Variants in HEXD observed in about 807,000 individuals in gnomAD.
HEXD encodes the protein N-acetyl-beta-galactosaminidase.
In HEXD, 47 loss-of-function variants were observed where a neutral mutation model predicts 54.2. That is an observed-to-expected ratio of 0.87 (90% CI 0.69 to 1.11). The LOEUF (loss-of-function observed/expected upper bound fraction) is 1.11, where lower values mean the gene tolerates loss of function less well. Among genes scored for constraint, HEXD ranks in the 50% least tolerant of loss-of-function variants. The pLI, the probability that HEXD is intolerant of heterozygous loss-of-function variation, is 0.00. For synonymous variants in HEXD, 293 were observed against 287.6 expected, an observed-to-expected ratio of 1.02 and a Z score of -0.19; for missense variants, 576 against 649.2, an observed-to-expected ratio of 0.89 and a Z score of 1.23.
chr17:82,439,677 C>A lies in HEXD; in HGVS notation c.946C>A (p.Pro316Thr). Residue 316 changes from proline to threonine, a missense_variant, in exon 9 of 13, where the codon CCG becomes ACG. Physicochemically the swap from Pro to Thr is conservative, Grantham distance 38. Transcript: ENST00000327949. ...VLCELLPAGV[P>T]SLAACLQLLL... ...GTGCGAGCTGCTGCCCGCAGGAGTC[C>A]CGTCCCTGGCCGCCTGCCTGCAGTT... 1 of 1,598,476 alleles carries A rather than the reference C, an allele frequency of 6.3e-7. No individual in the cohort carries two copies.
intron 4 of HEXD, among the ~76,000 whole-genome samples, chr17:82,429,673 G>A (rs534238721): frequency 6.6e-6 from 1 of 152,152 alleles, no homozygotes; most frequent in South Asian, 2.1e-4. Flanking sequence ...ATCCCCAGCC[G>A]CTCTCCTGAG....
chr17:82,425,818 A>C (rs1268076499), intron 3 of HEXD: 2 of 151,750 alleles, frequency 1.3e-5, no homozygotes, highest in Non-Finnish European at 2.9e-5. Context: ...AAATACAAAA[A>C]TTAGGCCGGG....
rs896759539 is a variant in HEXD, at chr17:82,432,825, A to G, written c.283-833A>G. 7.2e-5 allele frequency among the ~76,000 whole-genome samples: 11 copies of G among 151,738 alleles called. No individual in the cohort carries two copies. The South Asian group carries it at 8.3e-4, about 11-fold the overall frequency. On this transcript the variant is annotated intron_variant, in intron 4 of 12. Transcript: ENST00000327949. ...ACGCCTGTAATCCCAGCACTTTGGG[A>G]GGCCAAGGCGGGCAGATCACAAGGT...
In HEXD at chr17:82,441,273, G is replaced by C. The variant is rs772359285; in HGVS notation, c.1163+7G>C. On this transcript the variant is annotated splice_region_variant and intron_variant, in intron 11 of 12. Transcript: ENST00000327949. The stretch of plus-strand genomic sequence containing the variant: ...CGCTGCTGGAGGGCAACAGGTGAGC[G>C]TGTGGGTTAGGGGCAGGTGTGGGTG... 5.6e-6 allele frequency: 9 copies of C among 1,609,466 alleles called. No homozygotes were observed. The highest frequency in any genetic ancestry group is 7.6e-6 in the Non-Finnish European group (9 of 1,178,694).
chr17:82,421,241 G>A lies in HEXD; in HGVS notation c.84+1358G>A, dbSNP rs190402996. On this transcript the variant is annotated intron_variant, in intron 2 of 12. Coordinates refer to ENST00000327949, the MANE Select transcript of HEXD (RefSeq NM_001330542.2). ...AATACGTAATGAAACATCCAGGAGG[G>A]TGCAGGGGAGGCCCAAGGCTGCAAA... Among the ~76,000 whole-genome samples, 9 of 152,040 alleles carry A rather than the reference G, an allele frequency of 5.9e-5. No homozygotes were observed. In the East Asian group the frequency reaches 1.7e-3, roughly 29 times the overall value.
chr17:82,436,888 TGCCTCGGGACG>T (rs2143587077), intron 7 of HEXD, 150 bp downstream of exon 7: 2 of 711,062 alleles, frequency 2.8e-6, no homozygotes, highest in East Asian at 5.6e-5. Flanking sequence ...CAGCCCATGG[TGCCTCGGGACG>T]GCCACCGTGC....
At chr17:82,420,202 ATTTGGAAATAGGATC>A in intron 2 of HEXD, 1 of 195,336 alleles carries the variant, frequency 5.1e-6, no homozygotes, top group Non-Finnish European at 1.0e-5. Flanking sequence ...ATGAGACCTT[ATTTGGAAATAGGATC>A]TTTGCAGATG....
Position 82,441,337 on chromosome 17 carries a change from G to A in HEXD, c.1163+71G>A, listed in dbSNP as rs1202885562. On this transcript the variant is annotated intron_variant, in intron 11 of 12. Transcript: ENST00000327949. ...TGGGGCGGGTGCAGGTGAGGGGGCA[G>A]GTGTGGGTGGGAGGCAGGTGCGGGT... 1.4e-5 allele frequency: 20 copies of A among 1,422,076 alleles called. No individual in the cohort carries two copies. The East Asian group carries it at 4.6e-4, about 33-fold the overall frequency. The allele number at this position is 1,422,076 out of a possible 1,614,324, so 88.1% of individuals were successfully genotyped here.
chr17:82,442,102 G>A lies in HEXD; in HGVS notation c.1254-75G>A. 5.9e-6 allele frequency: 9 copies of A among 1,522,180 alleles called. No homozygotes were observed. Among genetic ancestry groups the A allele is most frequent in the Non-Finnish European group, 8.0e-6 (9 of 1,123,722 alleles). 94.3% of individuals were successfully genotyped at this position (1,522,180 alleles called of 1,614,324 possible). Reference sequence around the variant, plus strand: ...CATTTCACAGGTGAACTGAGGCACAGGGCAGTACTGACCATGGGGCTGAGG... The same window carrying A: ...CATTTCACAGGTGAACTGAGGCACAAGGCAGTACTGACCATGGGGCTGAGG... On this transcript the variant is annotated intron_variant, in intron 12 of 12. Coordinates refer to ENST00000327949, the MANE Select transcript of HEXD (RefSeq NM_001330542.2). The surrounding 1 kb of genome is among the most constrained non-coding windows in gnomAD (Gnocchi z 6.8).
At position 82,441,225 on chromosome 17, in the gene HEXD, C is replaced by T; in HGVS notation, c.1122C>T (p.Leu374=). Residue 374 remains leucine, a synonymous_variant, in exon 11 of 13, where the codon CTC becomes CTT. Coordinates refer to ENST00000327949, the MANE Select transcript of HEXD (RefSeq NM_001330542.2). ...TTGCCCTTGTCACACAAGTCAGCCT[C>T]CATCTGCGCAGCTCTGTGGATGCGC... ...NILALVTQVS[L]HLRSSVDALL... is the part of the protein sequence containing the mutation. 6.2e-7 allele frequency: 1 copy of T among 1,613,046 alleles called. No homozygotes were observed. The highest frequency in any genetic ancestry group is 2.2e-5 in the East Asian group (1 of 44,880).
Position 82,424,461 on chromosome 17 carries a change from A to G in HEXD, c.152A>G (p.Tyr51Cys), listed in dbSNP as rs1415875461. The change falls in exon 3 of 13, where the codon TAC becomes TGC. Residue 51 changes from tyrosine (Y) to cysteine (C), a missense_variant. By Grantham distance (194) the Tyr-to-Cys change is radical. Coordinates refer to ENST00000327949, the MANE Select transcript of HEXD (RefSeq NM_001330542.2). ...LLIEYEDMFPYEGPLRLLRAK... is the reference protein window; with the variant it reads ...LLIEYEDMFPCEGPLRLLRAK... ...ATTGAGTATGAAGACATGTTTCCCT[A>G]CGAGGGCCCTCTGAGGCTGCTGAGG... 6.2e-7 allele frequency: 1 copy of G among 1,613,864 alleles called. No individual in the cohort carries two copies. The highest frequency in any genetic ancestry group is 8.5e-7 in the Non-Finnish European group (1 of 1,179,860).
In HEXD at chr17:82,439,630, G is replaced by C. The variant is rs202172124; in HGVS notation, c.900-1G>C. The C allele has an allele frequency of 1.3e-4, 209 of 1,548,186 alleles. No homozygotes were observed. Among genetic ancestry groups the C allele is most frequent in the Non-Finnish European group, 1.6e-4 (185 of 1,145,476 alleles). ...GCTAAGCGCCCCTCTCATGGACCCA[G>C]GTACGACCACTACTCTGTGCTGTGC... On this transcript the variant is annotated splice_acceptor_variant, in intron 8 of 12. Transcript: ENST00000327949. LOFTEE classifies it high-confidence loss of function.
intron 9 of HEXD, 97 bp from the exon 10 acceptor site, chr17:82,440,900 C>A: frequency 7.2e-7 from 1 of 1,391,546 alleles, no homozygotes; most frequent in Non-Finnish European, 1.0e-6. Flanking sequence ...CATTGCCGCC[C>A]GCCCACTGCC....
At chr17:82,421,106 G>T (rs1329382737) in intron 2 of HEXD, among the ~76,000 whole-genome samples, 2 of 152,136 alleles carry the variant, frequency 1.3e-5, no homozygotes, top group Admixed American at 1.3e-4. Flanking sequence ...GTAAGTAAAG[G>T]TCTCCCATAG....
chr17:82,419,979 C>A, intron 2 of HEXD, 96 bp downstream of exon 2: 1 of 626,104 alleles, frequency 1.6e-6, no homozygotes, highest in Non-Finnish European at 2.7e-6. Flanking sequence ...GTACCTAGAA[C>A]ACAACCACAA....
At chr17:82,419,235 C>T (rs913999422) in intron 1 of HEXD, among the ~76,000 whole-genome samples, 1 of 152,236 alleles carries the variant, frequency 6.6e-6, no homozygotes, top group African/African-American at 2.4e-5. Context: ...AAATTATCAG[C>T]TTACCTTAAA....
At chr17:82,431,772 C>T (rs1016137265) in intron 4 of HEXD, among the ~76,000 whole-genome samples, 6 of 152,134 alleles carry the variant, frequency 3.9e-5, no homozygotes, top group African/African-American at 1.4e-4. Flanking sequence ...TTGATAAATT[C>T]TGCATGTGGG....
chr17:82,424,599 G>A (rs2053342964), intron 3 of HEXD, 96 bp downstream of exon 3: 2 of 780,588 alleles, frequency 2.6e-6, no homozygotes, highest in African/African-American at 1.7e-5. Flanking sequence ...AGGTGCGGGT[G>A]GCACAGTCAG....
intron 8 of HEXD, 108 bp from the exon 9 acceptor site, chr17:82,439,523 A>T: frequency 6.8e-7 from 1 of 1,479,198 alleles, no homozygotes; most frequent in Middle Eastern, 2.4e-4. Flanking sequence ...CCCAGCGCTG[A>T]TGTAGCCTAA....
Sources: gnomAD v4.1 joint callset for allele counts (sites outside exome capture counted in the v4.1 genomes callset) on GRCh38, gnomAD v4.1.1 for gene constraint, Gnocchi (gnomAD v3.1) non-coding constraint, MANE v1.5 for transcripts, NCBI Gene and HGNC (gene_info 2026-07-23, HGNC 2026-07-21) for gene names.